KLHL31: variants seen among roughly 807,000 people sequenced by gnomAD.
The protein encoded by KLHL31 is kelch like family member 31, also known as kelch-like protein 31.
In KLHL31, 32 loss-of-function variants were observed where a neutral mutation model predicts 47.1. The ratio of observed to expected loss-of-function variants is 0.68; its 90% CI spans 0.51 to 0.91. The LOEUF (loss-of-function observed/expected upper bound fraction) is 0.91. Ranked by LOEUF, KLHL31 falls within the 40% of genes least tolerant of loss-of-function variation. The pLI, the probability that KLHL31 is intolerant of heterozygous loss-of-function variation, is 0.00. For synonymous variants in KLHL31, 330 were observed against 325.1 expected (o/e 1.01, Z -0.16); for missense variants, 797 against 819.3 (o/e 0.97, Z 0.33).
chr6:53,657,667 T>C (rs1286250766), intron 1 of KLHL31, among the ~76,000 whole-genome samples: 2 of 141,098 alleles, frequency 1.4e-5, no homozygotes, highest in Non-Finnish European at 3.1e-5. Context: ...TTAAATCCCA[T>C]TGTAATTTCA....
intron 2 of KLHL31, among the ~76,000 whole-genome samples, chr6:53,653,406 T>C (rs554349953): frequency 6.6e-6 from 1 of 152,364 alleles, no homozygotes; most frequent in East Asian, 1.9e-4. Context: ...TTTGTACTAC[T>C]ACCATGATAT....
At chr6:53,657,666 A>G (rs1489083541) in intron 1 of KLHL31, among the ~76,000 whole-genome samples, 1 of 128,284 alleles carries the variant, frequency 7.8e-6, no homozygotes, top group Non-Finnish European at 1.7e-5. Context: ...TTTAAATCCC[A>G]TTGTAATTTC....
rs1333004367 is a variant in KLHL31, at chr6:53,654,303, G to A, written c.970C>T (p.Arg324Cys). Residue 324 changes from arginine (R) to cysteine (C), a missense_variant, in exon 2 of 3, where the codon CGC (arginine) becomes TGC (cysteine). Transcript: ENST00000370905. ...GCRVLVTVGG[R>C]PGLTEKSLSR... ...AGGGACTTCTCAGTAAGGCCTGGGC[G>A]TCCCCCAACAGTGACGAGGACTCGG... 16 of 1,614,038 alleles carry A rather than the reference G, an allele frequency of 9.9e-6. No individual in the cohort carries two copies. The highest frequency in any genetic ancestry group is 2.2e-5 in the East Asian group (1 of 44,888).
In KLHL31 at chr6:53,651,399, T is replaced by TCAAAAAAAAAA. The variant is rs1764461538; in HGVS notation, c.*198_*199insTTTTTTTTTTG. ...TGTTGGCCATTGCCCTGTATTTTGC[T>TCAAAAAAAAAA]AAAAAAAAAAAAAAAAAAAAGAGGT... On this transcript the variant is annotated 3_prime_UTR_variant, in exon 3 of 3. Transcript: ENST00000370905. The TCAAAAAAAAAA allele has an allele frequency of 1.6e-5, 1 of 63,380 alleles. No individual in the cohort carries two copies. The highest frequency in any genetic ancestry group is 2.8e-5 in the Non-Finnish European group (1 of 35,502). The allele number at this position is 63,380 out of a possible 1,614,324, so 3.9% of individuals were successfully genotyped here. A position where few individuals can be genotyped will look rare whatever the true frequency, so the allele number is the denominator to read the frequency against.
At chr6:53,660,640 C>A (rs1405683653) in intron 1 of KLHL31, among the ~76,000 whole-genome samples, 1 of 152,130 alleles carries the variant, frequency 6.6e-6, no homozygotes, top group South Asian at 2.1e-4. Context: ...ATGGCGAAAC[C>A]CTGTCTCTAC....
chr6:53,661,029 C>T (rs2127370426), intron 1 of KLHL31, among the ~76,000 whole-genome samples: 1 of 152,292 alleles, frequency 6.6e-6, no homozygotes, highest in Non-Finnish European at 1.5e-5. Flanking sequence ...GCTGCAGATC[C>T]TTCAGAGGAA....
At chr6:53,663,055 C>T (rs1764669847) in intron 1 of KLHL31, among the ~76,000 whole-genome samples, 1 of 151,882 alleles carries the variant, frequency 6.6e-6, no homozygotes, top group Admixed American at 6.6e-5. Flanking sequence ...GTTCATTTTA[C>T]AAATGAAGAA....
In KLHL31 at chr6:53,648,033, T is replaced by A. The variant is rs1764418976; in HGVS notation, c.*3565A>T. ...GAATGTTTTAAGCAAAGAAAGAAAT[T>A]TTTTTGCCAAAATTTGCTGAATAAA... On this transcript the variant is annotated 3_prime_UTR_variant, in exon 3 of 3. Coordinates refer to ENST00000370905, the MANE Select transcript of KLHL31 (RefSeq NM_001003760.5). 6.5e-6 allele frequency: 1 copy of A among 152,746 alleles called. No homozygotes were observed. Among genetic ancestry groups the A allele is most frequent in the Non-Finnish European group, 1.5e-5 (1 of 68,018 alleles). 9.5% of individuals were successfully genotyped at this position (152,746 alleles called of 1,614,324 possible). A position where few individuals can be genotyped will look rare whatever the true frequency, so the allele number is the denominator to read the frequency against.
At position 53,654,658 on chromosome 6, in the gene KLHL31, C is replaced by T. The variant is rs114605120; in HGVS notation, c.615G>A (p.Ser205=). Reference sequence around the variant, plus strand: ...CAAATGTAAGTTTCATAAACTGATCCGATTCTGCAAATTCAAGGAAGTTAT... The same window carrying T: ...CAAATGTAAGTTTCATAAACTGATCTGATTCTGCAAATTCAAGGAAGTTAT... ...IRDNFLEFAE[S]DQFMKLTFEQ... is the part of the protein sequence containing the mutation. Residue 205 remains serine, a synonymous_variant, in exon 2 of 3, where the codon TCG becomes TCA. Coordinates refer to ENST00000370905, the MANE Select transcript of KLHL31 (RefSeq NM_001003760.5). 27 of 1,614,052 alleles carry T rather than the reference C, an allele frequency of 1.7e-5. No individual in the cohort carries two copies. In the East Asian group the frequency reaches 4.0e-4, roughly 24 times the overall value.
At chr6:53,665,044 AATT>A (rs774283763) in intron 1 of KLHL31, among the ~76,000 whole-genome samples, 20 of 151,358 alleles carry the variant, frequency 1.3e-4, no homozygotes, top group East Asian at 1.2e-3. Flanking sequence ...CCAAATAACA[AATT>A]TTTTTTTTTT....
chr6:53,652,239 A>C lies in KLHL31; in HGVS notation c.1264T>G (p.Tyr422Asp). 6 of 1,613,994 alleles carry C rather than the reference A, an allele frequency of 3.7e-6. No individual in the cohort carries two copies. The highest frequency in any genetic ancestry group is 5.1e-6 in the Non-Finnish European group (6 of 1,180,042). The change falls in exon 3 of 3, where the codon TAC becomes GAC. Residue 422 changes from tyrosine (Y) to aspartate (D), a missense_variant. Coordinates refer to ENST00000370905, the MANE Select transcript of KLHL31 (RefSeq NM_001003760.5). Reference sequence around the variant, plus strand: ...TCTGCGTTGCGGCCGCCCGCGGCGTACACGAGCCCGTTGAACACGCTCAGG... The same window carrying C: ...TCTGCGTTGCGGCCGCCCGCGGCGTCCACGAGCCCGTTGAACACGCTCAGG... ...FSLSVFNGLVYAAGGRNAEGS... is the reference protein window; with the variant it reads ...FSLSVFNGLVDAAGGRNAEGS...
chr6:53,662,641 A>G (rs974815590), intron 1 of KLHL31, among the ~76,000 whole-genome samples: 1 of 152,124 alleles, frequency 6.6e-6, no homozygotes, highest in East Asian at 1.9e-4. Flanking sequence ...ACTACCCTGG[A>G]AGAGCTGCCC....
rs761170649 is a variant in KLHL31, at chr6:53,651,814, C to A, written c.1689G>T (p.Leu563=). 1 of 1,611,506 alleles carries A rather than the reference C, an allele frequency of 6.2e-7. No individual in the cohort carries two copies. Among genetic ancestry groups the A allele is most frequent in the Non-Finnish European group, 8.5e-7 (1 of 1,179,612 alleles). The part of the protein sequence containing the change: ...VGVSTAGVSA[L]HGRAYLVGGW... ...CCCCCACCAGGTAGGCGCGGCCATG[C>A]AGCGCCGAGACGCCCGCAGTGCTCA... Residue 563 remains leucine, a synonymous_variant, in exon 3 of 3, where the codon CTG becomes CTT. Coordinates refer to ENST00000370905, the MANE Select transcript of KLHL31 (RefSeq NM_001003760.5).
At chr6:53,652,909 G>A (rs1764498402) in intron 2 of KLHL31, among the ~76,000 whole-genome samples, 2 of 152,152 alleles carry the variant, frequency 1.3e-5, no homozygotes, top group South Asian at 2.1e-4. Context: ...ACTCAGCAAA[G>A]TCTTCTCTTG....
At chr6:53,660,834 C>G (rs918630408) in intron 1 of KLHL31, among the ~76,000 whole-genome samples, 7 of 152,080 alleles carry the variant, frequency 4.6e-5, no homozygotes, top group African/African-American at 1.7e-4. Context: ...GAAAAGAAAC[C>G]GTTGAAATCA....
intron 1 of KLHL31, among the ~76,000 whole-genome samples, chr6:53,661,499 A>C (rs1764644880): frequency 6.6e-6 from 1 of 152,206 alleles, no homozygotes; most frequent in South Asian, 2.1e-4. Flanking sequence ...TCTTTAAGGA[A>C]AGAAGTCATA....
intron 1 of KLHL31, among the ~76,000 whole-genome samples, chr6:53,657,379 A>G (rs933261840): frequency 6.6e-6 from 1 of 152,186 alleles, no homozygotes; most frequent in African/African-American, 2.4e-5. Flanking sequence ...CCAACATAAC[A>G]CTATAGAAAA....
chr6:53,658,764 C>T (rs1469693736), intron 1 of KLHL31, among the ~76,000 whole-genome samples: 1 of 152,056 alleles, frequency 6.6e-6, no homozygotes, highest in Non-Finnish European at 1.5e-5. Context: ...ATTTTCAATA[C>T]TTGAAAATTA....
At chr6:53,653,397 T>G (rs185818934) in intron 2 of KLHL31, among the ~76,000 whole-genome samples, 65 of 152,348 alleles carry the variant, frequency 4.3e-4, no homozygotes, top group African/African-American at 1.5e-3. Flanking sequence ...ATGTTTGACT[T>G]TGTACTACTA....
Sources: allele counts gnomAD v4.1 joint callset (sites outside exome capture counted in the v4.1 genomes callset), GRCh38; gene constraint gnomAD v4.1.1; transcripts MANE v1.5; gene names NCBI Gene and HGNC (gene_info 2026-07-23, HGNC 2026-07-21).